The following NME7 variants were observed in gnomAD, a reference collection of about 807,000 sequenced individuals.
NME7 encodes the protein NME/NM23 family member 7.
In NME7, 41 loss-of-function variants were observed where a neutral mutation model predicts 49.1. That is an observed-to-expected ratio of 0.83 (90% CI 0.65 to 1.08). The LOEUF (loss-of-function observed/expected upper bound fraction) is 1.08. Among genes scored for constraint, NME7 ranks in the 50% least tolerant of loss-of-function variants. The pLI, the probability that NME7 is intolerant of heterozygous loss-of-function variation, is 0.00. For missense variants in NME7, 423 were observed against 463.4 expected (o/e 0.91, Z 0.80); for synonymous variants, 139 against 150.6 (o/e 0.92, Z 0.56).
chr1:169,350,594 A>G (rs541022069), intron 1 of NME7, among the ~76,000 whole-genome samples: 1 of 151,826 alleles, frequency 6.6e-6, no homozygotes, highest in South Asian at 2.1e-4. Flanking sequence ...TTGGTCCTGG[A>G]TTTCTTTCTC....
intron 7 of NME7, among the ~76,000 whole-genome samples, chr1:169,266,547 G>C (rs1178596418): frequency 7.5e-6 from 1 of 133,780 alleles, no homozygotes; most frequent in Admixed American, 7.3e-5. Context: ...AACAAGACAA[G>C]GATGCCCTCT....
intron 10 of NME7, among the ~76,000 whole-genome samples, chr1:169,176,607 A>G (rs1222021896): frequency 2.0e-5 from 3 of 152,144 alleles, no homozygotes; most frequent in Non-Finnish European, 2.9e-5. Flanking sequence ...ACCACATGGC[A>G]TCGTAACTAT....
intron 9 of NME7, among the ~76,000 whole-genome samples, chr1:169,231,458 T>C (rs1423595681): frequency 1.3e-5 from 2 of 152,064 alleles, no homozygotes; most frequent in East Asian, 1.9e-4. Context: ...AAGACAAAGA[T>C]TGCACTTCGG....
At chr1:169,250,879 G>C (rs889364113) in intron 7 of NME7, among the ~76,000 whole-genome samples, 7 of 152,070 alleles carry the variant, frequency 4.6e-5, no homozygotes, top group African/African-American at 1.7e-4. Flanking sequence ...ATAGAGACTT[G>C]TTTTGTGGCC....
At chr1:169,363,715 T>C (rs1270839301) in intron 1 of NME7, among the ~76,000 whole-genome samples, 2 of 152,226 alleles carry the variant, frequency 1.3e-5, no homozygotes, top group African/African-American at 4.8e-5. Context: ...GGGTATTTGA[T>C]CTTGTTGTTA....
intron 10 of NME7, among the ~76,000 whole-genome samples, chr1:169,192,973 C>A (rs1571279902): frequency 1.3e-5 from 2 of 151,796 alleles, no homozygotes; most frequent in South Asian, 4.2e-4. Context: ...AATATATATA[C>A]CGTGAGTTAA....
chr1:169,278,768 TA>T (rs1649862982), intron 7 of NME7, among the ~76,000 whole-genome samples: 1 of 152,230 alleles, frequency 6.6e-6, no homozygotes, highest in Non-Finnish European at 1.5e-5. Context: ...CTCTGCTTTT[TA>T]GAGTTTCCAG....
At chr1:169,175,197 G>T (rs1659718299) in intron 10 of NME7, among the ~76,000 whole-genome samples, 1 of 151,872 alleles carries the variant, frequency 6.6e-6, no homozygotes, top group African/African-American at 2.4e-5. Flanking sequence ...GCTTATGCAG[G>T]GTCAGAATCA....
chr1:169,225,780 T>C (rs1409064237), intron 10 of NME7, among the ~76,000 whole-genome samples: 3 of 152,126 alleles, frequency 2.0e-5, no homozygotes, highest in Admixed American at 2.0e-4. Context: ...ATAATGAGCA[T>C]TCCTTCCAGC....
At chr1:169,341,879 T>C (rs908650539) in intron 1 of NME7, among the ~76,000 whole-genome samples, 2 of 152,188 alleles carry the variant, frequency 1.3e-5, no homozygotes, top group African/African-American at 4.8e-5. Flanking sequence ...ATTTACCCAA[T>C]GCCTGTGCCC....
At position 169,167,371 on chromosome 1, in the gene NME7, G is replaced by C. The variant is rs574100206; in HGVS notation, c.1098+2076C>G. Among the ~76,000 whole-genome samples, 4 of 151,842 alleles carry C rather than the reference G, an allele frequency of 2.6e-5. No homozygotes were observed. In the South Asian group the frequency reaches 6.3e-4, roughly 24 times the overall value. ...ATAATTTTTTTTTAAAAGACTAATAGATTTGATCACATAAAACATAATACT... is the reference window on the plus strand; with the variant it reads ...ATAATTTTTTTTTAAAAGACTAATACATTTGATCACATAAAACATAATACT... On this transcript the variant is annotated intron_variant, in intron 11 of 11. Transcript: ENST00000367811.
chr1:169,328,127 T>C (rs982845249), intron 1 of NME7, among the ~76,000 whole-genome samples: 1 of 152,082 alleles, frequency 6.6e-6, no homozygotes, highest in African/African-American at 2.4e-5. Context: ...GCTGGCAGCC[T>C]ACAGCAAGAG....
At chr1:169,366,883 GCT>G (rs1557842799) in intron 1 of NME7, among the ~76,000 whole-genome samples, 1 of 152,024 alleles carries the variant, frequency 6.6e-6, no homozygotes. Flanking sequence ...GTGGGTGAGG[GCT>G]CTGTTTCTAA....
In NME7 at chr1:169,271,612, C is replaced by G. The variant is rs1295456384; in HGVS notation, c.754+15691G>C. Among the ~76,000 whole-genome samples the G allele has an allele frequency of 1.5e-5, 2 of 133,182 alleles. 1 individual carries two copies. Among genetic ancestry groups the G allele is most frequent in the Non-Finnish European group, 3.5e-5 (2 of 56,844 alleles). The allele number at this position is 133,182 out of a possible 152,430, so 87.4% of individuals were successfully genotyped here. On this transcript the variant is annotated intron_variant, in intron 7 of 11. Transcript: ENST00000367811. ...TAAGGCTCTATCAAGGTTGTGCTTG[C>G]CCTTTATTGTATTAAGGAATAAACT...
chr1:169,307,644 C>T (rs1651221678), intron 4 of NME7, among the ~76,000 whole-genome samples: 1 of 152,112 alleles, frequency 6.6e-6, no homozygotes, highest in African/African-American at 2.4e-5. Flanking sequence ...AAGTTAGATA[C>T]CAAGTCATCA....
At chr1:169,354,353 G>C (rs1186517678) in intron 1 of NME7, among the ~76,000 whole-genome samples, 1 of 151,978 alleles carries the variant, frequency 6.6e-6, no homozygotes, top group African/African-American at 2.4e-5. Context: ...TGAACTCATG[G>C]AGATAGAGAG....
At chr1:169,174,336 A>G (rs749931331) in intron 10 of NME7, among the ~76,000 whole-genome samples, 1 of 152,232 alleles carries the variant, frequency 6.6e-6, no homozygotes, top group Non-Finnish European at 1.5e-5. Context: ...ACTTACTTCC[A>G]TAATAAAGCC....
intron 10 of NME7, among the ~76,000 whole-genome samples, chr1:169,194,170 C>T (rs1029950259): frequency 6.6e-6 from 1 of 152,012 alleles, no homozygotes; most frequent in Non-Finnish European, 1.5e-5. Context: ...AGAAAAAGTA[C>T]ACTATGGAAG....
In NME7 at chr1:169,257,928, A is replaced by C. The variant is rs750091047; in HGVS notation, c.755-20241T>G. 5.2e-5 allele frequency among the ~76,000 whole-genome samples: 7 copies of C among 134,316 alleles called. 2 individuals carry two copies. The highest frequency in any genetic ancestry group is 7.6e-5 in the African/African-American group (3 of 39,664). 88.1% of individuals were successfully genotyped at this position (134,316 alleles called of 152,430 possible). Reference sequence around the variant, plus strand: ...CTTAGTTTTTCAAGCAAACACAATGAAAGAAGACTGAAATGATAATTCAAG... The same window carrying C: ...CTTAGTTTTTCAAGCAAACACAATGCAAGAAGACTGAAATGATAATTCAAG... On this transcript the variant is annotated intron_variant, in intron 7 of 11. Transcript: ENST00000367811.
Sources: allele counts gnomAD v4.1 joint callset (sites outside exome capture counted in the v4.1 genomes callset), GRCh38; gene constraint gnomAD v4.1.1; transcripts MANE v1.5; gene names NCBI Gene and HGNC (gene_info 2026-07-23, HGNC 2026-07-21).